Variants in RSRC1 observed in about 807,000 individuals in gnomAD.
RSRC1 encodes serine/Arginine-related protein 53.
A neutral mutation model predicts 49.1 loss-of-function variants in RSRC1; 39 were observed. The ratio of observed to expected loss-of-function variants is 0.79; its 90% CI spans 0.61 to 1.04. The LOEUF is 1.04. RSRC1 is among the 50% of genes least tolerant of loss of function. The pLI, the probability that RSRC1 is intolerant of heterozygous loss-of-function variation, is 0.00. For missense variants in RSRC1, 388 were observed against 402.4 expected (o/e 0.96, Z 0.31); for synonymous variants, 143 against 130.8 (o/e 1.09, Z -0.63).
chr3:158,376,918 C>A (rs1732408964), intron 6 of RSRC1, among the ~76,000 whole-genome samples: 1 of 152,026 alleles, frequency 6.6e-6, no homozygotes, highest in Non-Finnish European at 1.5e-5. Flanking sequence ...GTACCAAGTG[C>A]ATTTGAAGGG....
intron 6 of RSRC1, among the ~76,000 whole-genome samples, chr3:158,428,252 C>T (rs1735572626): frequency 6.6e-6 from 1 of 151,742 alleles, no homozygotes; most frequent in Non-Finnish European, 1.5e-5. Flanking sequence ...TTTGAAACAC[C>T]ACCATTATAC....
intron 3 of RSRC1, among the ~76,000 whole-genome samples, chr3:158,167,267 A>G (rs1718593302): frequency 6.6e-6 from 1 of 151,994 alleles, no homozygotes; most frequent in African/African-American, 2.4e-5. Context: ...GCTCACTGCA[A>G]CCTCTGCCTC....
chr3:158,395,312 AAAAC>A (rs1466406238), intron 6 of RSRC1, among the ~76,000 whole-genome samples: 1 of 152,174 alleles, frequency 6.6e-6, no homozygotes, highest in African/African-American at 2.4e-5. Context: ...AATTGCAACA[AAAAC>A]AAAAATGGAT....
intron 7 of RSRC1, among the ~76,000 whole-genome samples, chr3:158,494,786 A>G (rs866602062): frequency 3.3e-5 from 5 of 152,180 alleles, no homozygotes; most frequent in South Asian, 2.1e-4. Context: ...AGAATTGTCA[A>G]TATCAACGTC....
chr3:158,381,699 A>G (rs909429435), intron 6 of RSRC1, among the ~76,000 whole-genome samples: 1 of 152,224 alleles, frequency 6.6e-6, no homozygotes, highest in Non-Finnish European at 1.5e-5. Context: ...TGAATATTGT[A>G]AACAATGTTG....
intron 3 of RSRC1, among the ~76,000 whole-genome samples, chr3:158,170,842 C>T (rs1718840253): frequency 6.6e-6 from 1 of 152,010 alleles, no homozygotes; most frequent in African/African-American, 2.4e-5. Context: ...TGAAGGCAGC[C>T]CCAAATATGG....
At chr3:158,378,260 T>G (rs1293054369) in intron 6 of RSRC1, among the ~76,000 whole-genome samples, 1 of 152,248 alleles carries the variant, frequency 6.6e-6, no homozygotes, top group African/African-American at 2.4e-5. Flanking sequence ...AATGGCTGTT[T>G]TATTCTCATG....
intron 5 of RSRC1, among the ~76,000 whole-genome samples, chr3:158,301,348 A>T (rs1727539140): frequency 6.6e-6 from 1 of 152,050 alleles, no homozygotes; most frequent in Non-Finnish European, 1.5e-5. Context: ...TGCTCCCTCC[A>T]TGTTACAGCC....
At chr3:158,371,039 T>A (rs866971610) in intron 6 of RSRC1, among the ~76,000 whole-genome samples, 1 of 151,914 alleles carries the variant, frequency 6.6e-6, no homozygotes, top group South Asian at 2.1e-4. Context: ...TGACTAATGA[T>A]GTTCAGCATC....
chr3:158,189,502 T>A (rs2108262428), intron 3 of RSRC1, among the ~76,000 whole-genome samples: 1 of 152,072 alleles, frequency 6.6e-6, no homozygotes, highest in Non-Finnish European at 1.5e-5. Context: ...ACCCTTGTCA[T>A]CATGAACTGT....
At chr3:158,509,668 G>C (rs1463727728) in intron 7 of RSRC1, among the ~76,000 whole-genome samples, 1 of 152,052 alleles carries the variant, frequency 6.6e-6, no homozygotes, top group African/African-American at 2.4e-5. Flanking sequence ...ACAAGATGTT[G>C]TATTTTACAA....
intron 3 of RSRC1, among the ~76,000 whole-genome samples, chr3:158,150,260 T>G (rs536653077): frequency 2.0e-5 from 3 of 152,332 alleles, no homozygotes; most frequent in Non-Finnish European, 4.4e-5. Flanking sequence ...TTAGACATCC[T>G]TTTAATTAAG....
intron 6 of RSRC1, 182 bp downstream of exon 6, chr3:158,355,090 C>T: frequency 2.3e-6 from 1 of 431,568 alleles, no homozygotes; most frequent in Non-Finnish European, 4.1e-6. Flanking sequence ...CAGTATAATG[C>T]TAAGTGTATT....
At chr3:158,393,613 G>C (rs1370175647) in intron 6 of RSRC1, among the ~76,000 whole-genome samples, 1 of 151,776 alleles carries the variant, frequency 6.6e-6, no homozygotes, top group African/African-American at 2.4e-5. Flanking sequence ...GATTGAATCA[G>C]GAAGAAATAG....
chr3:158,349,075 CTT>C (rs142512984), intron 5 of RSRC1, among the ~76,000 whole-genome samples: 6 of 150,720 alleles, frequency 4.0e-5, no homozygotes, highest in African/African-American at 7.3e-5. Context: ...AGAATGATCT[CTT>C]TTTTTTTGGG....
At chr3:158,165,832 A>G (rs749792194) in intron 3 of RSRC1, among the ~76,000 whole-genome samples, 1 of 152,330 alleles carries the variant, frequency 6.6e-6, no homozygotes, top group Non-Finnish European at 1.5e-5. Flanking sequence ...ATATGTTTCC[A>G]TATACTACCT....
chr3:158,381,130 T>A (rs4680431), intron 6 of RSRC1, among the ~76,000 whole-genome samples: 79,409 of 152,046 alleles, frequency 0.52, 21,136 homozygotes, highest in African/African-American at 0.61. Context: ...TATGAACTAT[T>A]ATAGAAAGTT....
At chr3:158,471,960 G>A (rs571785374) in intron 7 of RSRC1, among the ~76,000 whole-genome samples, 3 of 151,908 alleles carry the variant, frequency 2.0e-5, no homozygotes, top group African/African-American at 7.2e-5. Context: ...TTTGTGAAAC[G>A]ACAAAAAATA....
intron 7 of RSRC1, among the ~76,000 whole-genome samples, chr3:158,471,241 T>C (rs1335525833): frequency 6.6e-6 from 1 of 152,152 alleles, no homozygotes; most frequent in Non-Finnish European, 1.5e-5. Context: ...TAGATTAGGA[T>C]ATAAACTGCA....
Sources: gnomAD v4.1 joint callset for allele counts (sites outside exome capture counted in the v4.1 genomes callset) on GRCh38, gnomAD v4.1.1 for gene constraint, MANE v1.5 for transcripts, NCBI Gene and HGNC (gene_info 2026-07-23, HGNC 2026-07-21) for gene names.